RASSF3: variants seen among roughly 807,000 people sequenced by gnomAD.
The protein encoded by RASSF3 is ras association domain-containing protein 3.
Under a neutral mutation model 19.9 loss-of-function variants are expected in RASSF3, and 19 were observed. That is an observed-to-expected ratio of 0.96 (90% CI 0.67 to 1.40). RASSF3 has a LOEUF of 1.40. Among genes scored for constraint, RASSF3 ranks in the 40% most tolerant of loss-of-function variants. The pLI is 0.00. For missense variants in RASSF3, 306 were observed against 289.8 expected (o/e 1.06, Z -0.41); for synonymous variants, 110 against 104.2 (o/e 1.06, Z -0.34).
At chr12:64,632,176 C>G (rs1312982899) in intron 1 of RASSF3, among the ~76,000 whole-genome samples, 1 of 152,022 alleles carries the variant, frequency 6.6e-6, no homozygotes, top group African/African-American at 2.4e-5. Flanking sequence ...GAAGCCCACA[C>G]AGGCAGGCAC....
At chr12:64,643,473 G>T (rs1249869320) in intron 1 of RASSF3, among the ~76,000 whole-genome samples, 1 of 151,980 alleles carries the variant, frequency 6.6e-6, no homozygotes, top group Non-Finnish European at 1.5e-5. Context: ...GGAGTTTGGG[G>T]CTGTAGTATG....
At chr12:64,626,625 A>G (rs952188198) in intron 1 of RASSF3, among the ~76,000 whole-genome samples, 1 of 152,066 alleles carries the variant, frequency 6.6e-6, no homozygotes, top group Non-Finnish European at 1.5e-5. Flanking sequence ...TGGTGGGATC[A>G]TGCCTCACTG....
intron 1 of RASSF3, among the ~76,000 whole-genome samples, chr12:64,678,021 T>A (rs937369824): frequency 2.0e-5 from 3 of 152,190 alleles, no homozygotes; most frequent in Non-Finnish European, 4.4e-5. Flanking sequence ...TCAGTGGAAA[T>A]GTCTCTCCCA....
At chr12:64,565,455 G>A (rs890921369) in intron 2 of RASSF3, among the ~76,000 whole-genome samples, 1 of 152,156 alleles carries the variant, frequency 6.6e-6, no homozygotes, top group African/African-American at 2.4e-5. Flanking sequence ...GCTCATGCCT[G>A]TAATCCCAGC....
chr12:64,575,780 C>T (rs908055974), intron 2 of RASSF3: 12 of 150,508 alleles, frequency 8.0e-5, no homozygotes, highest in African/African-American at 2.9e-4. Context: ...ACATCATATT[C>T]ATGATTGGAA....
upstream of RASSF3, among the ~76,000 whole-genome samples, chr12:64,608,449 G>A (rs1293488465): frequency 6.6e-6 from 1 of 152,116 alleles, no homozygotes; most frequent in Non-Finnish European, 1.5e-5. Context: ...AGCCTCCCGA[G>A]TAGCTGGCGC....
intron 1 of RASSF3, among the ~76,000 whole-genome samples, chr12:64,659,389 C>T (rs1023530501): frequency 2.6e-5 from 4 of 152,142 alleles, no homozygotes; most frequent in South Asian, 4.1e-4. Context: ...TCAGAGCAAA[C>T]CGACAAACAT....
chr12:64,539,823 C>T (rs1025894580), intron 1 of RASSF3, among the ~76,000 whole-genome samples: 1 of 152,082 alleles, frequency 6.6e-6, no homozygotes, highest in African/African-American at 2.4e-5. Context: ...TATTCTCCAA[C>T]ATTATTTACT....
At chr12:64,672,191 A>G (rs942622400) in intron 1 of RASSF3, among the ~76,000 whole-genome samples, 11 of 152,146 alleles carry the variant, frequency 7.2e-5, no homozygotes, top group Non-Finnish European at 1.5e-4. Context: ...CAAACAATCC[A>G]TATATATTCT....
intron 1 of RASSF3, chr12:64,533,634 A>G (rs1349688203): frequency 6.6e-6 from 1 of 152,232 alleles, no homozygotes; most frequent in Non-Finnish European, 1.5e-5. Flanking sequence ...ATTACCGGAC[A>G]GCTCAGGAGG....
chr12:64,689,518 G>A (rs1006346668), intron 3 of RASSF3, among the ~76,000 whole-genome samples: 3 of 152,166 alleles, frequency 2.0e-5, no homozygotes, highest in Admixed American at 6.6e-5. Flanking sequence ...TGGCACCTGC[G>A]ATGCAGTGCA....
At chr12:64,555,468 G>A (rs73124200) in intron 2 of RASSF3, among the ~76,000 whole-genome samples, 16,383 of 151,996 alleles carry the variant, frequency 0.11, 1,158 homozygotes, top group African/African-American at 0.19. Context: ...AGCCTCTACC[G>A]GCCGGGCACG....
intron 1 of RASSF3, among the ~76,000 whole-genome samples, chr12:64,618,369 C>T (rs761553461): frequency 6.6e-6 from 1 of 152,134 alleles, no homozygotes; most frequent in Non-Finnish European, 1.5e-5. Flanking sequence ...ATCTGTTGCC[C>T]AGGCTGGAGT....
At chr12:64,594,232 G>A (rs538208570) in intron 2 of RASSF3, among the ~76,000 whole-genome samples, 69 of 152,146 alleles carry the variant, frequency 4.5e-4, no homozygotes, top group African/African-American at 1.6e-3. Context: ...TACTCAGGAA[G>A]CTGAGGTGGA....
chr12:64,555,159 G>A (rs1219254852), intron 2 of RASSF3, among the ~76,000 whole-genome samples: 1 of 151,840 alleles, frequency 6.6e-6, no homozygotes, highest in African/African-American at 2.4e-5. Flanking sequence ...TGGGGGAATC[G>A]CTTGAACCCG....
At chr12:64,680,171 G>A (rs1388467903) in intron 1 of RASSF3, among the ~76,000 whole-genome samples, 2 of 152,138 alleles carry the variant, frequency 1.3e-5, no homozygotes, top group Admixed American at 1.3e-4. Flanking sequence ...GGAGGAAGGG[G>A]CAGGATTCTA....
chr12:64,558,922 C>T (rs1046058593), intron 2 of RASSF3, among the ~76,000 whole-genome samples: 4 of 152,132 alleles, frequency 2.6e-5, no homozygotes, highest in Non-Finnish European at 5.9e-5. Context: ...GCTGCACCCT[C>T]TTGGCTCCCC....
chr12:64,580,631 T>C (rs900330232), intron 2 of RASSF3, among the ~76,000 whole-genome samples: 1 of 149,900 alleles, frequency 6.7e-6, no homozygotes, highest in African/African-American at 2.5e-5. Flanking sequence ...CAGATAAATT[T>C]ATTCTGTCAT....
chr12:64,597,721 G>T (rs988310138), intron 2 of RASSF3, among the ~76,000 whole-genome samples: 1 of 151,968 alleles, frequency 6.6e-6, no homozygotes, highest in Non-Finnish European at 1.5e-5. Context: ...GCCTCCCAAA[G>T]TGCCGGGATT....
Sources: gnomAD v4.1 joint callset for allele counts (sites outside exome capture counted in the v4.1 genomes callset) on GRCh38, gnomAD v4.1.1 for gene constraint, MANE v1.5 for transcripts, NCBI Gene and HGNC (gene_info 2026-07-23, HGNC 2026-07-21) for gene names.